The following ATP2B2 variants were observed in gnomAD, a reference collection of about 807,000 sequenced individuals.
ATP2B2 encodes the protein plasma membrane calcium-transporting ATPase 2.
In ATP2B2, 15 loss-of-function variants were observed where a neutral mutation model predicts 120.0. The ratio of observed to expected loss-of-function variants is 0.12; its 90% confidence interval spans 0.08 to 0.19. ATP2B2 has a LOEUF of 0.19. ATP2B2 is among the 10% of genes least tolerant of loss of function. The pLI is 1.00. For synonymous variants in ATP2B2, 694 were observed against 700.3 expected (o/e 0.99, Z 0.14); for missense variants, 1,045 against 1,719.8 (o/e 0.61, Z 6.94).
intron 2 of ATP2B2, among the ~76,000 whole-genome samples, chr3:10,428,862 C>T (rs951150273): frequency 6.6e-6 from 1 of 152,236 alleles, no homozygotes; most frequent in Non-Finnish European, 1.5e-5. Flanking sequence ...GTCACAGCCT[C>T]ACCGGGCCAG....
chr3:10,637,968 A>G (rs771934249), intron 1 of ATP2B2, among the ~76,000 whole-genome samples: 33 of 152,228 alleles, frequency 2.2e-4, no homozygotes, highest in Non-Finnish European at 3.5e-4. Context: ...GAAGCAATGC[A>G]AGTGAGAAGA....
In ATP2B2 at chr3:10,402,116, A is replaced by C. The variant is rs565715444; in HGVS notation, c.630T>G (p.Val210=). 1.5e-4 allele frequency: 250 copies of C among 1,614,106 alleles called. 1 individual carries two copies. The African/African-American group carries it at 1.8e-3, about 12-fold the overall frequency. Residue 210 remains valine (V), a synonymous_variant, in exon 4 of 23, where the codon GTT becomes GTG. Transcript: ENST00000360273. The surrounding 1 kb of genome is among the most constrained non-coding windows in gnomAD (Gnocchi z 4.9). ...VVQIPVAEIV[V]GDIAQVKYGD... is the part of the protein sequence containing the mutation. ...CATATTTGACCTGGGCTATGTCCCCAACCACGATCTCAGCCACAGGGATCT... is the reference window on the plus strand; with the variant it reads ...CATATTTGACCTGGGCTATGTCCCCCACCACGATCTCAGCCACAGGGATCT...
At chr3:10,382,781 A>AT (rs2061568679) in intron 8 of ATP2B2, among the ~76,000 whole-genome samples, 1 of 152,200 alleles carries the variant, frequency 6.6e-6, no homozygotes, top group Non-Finnish European at 1.5e-5. Context: ...TCCAAGATGA[A>AT]TGGACCACAC....
chr3:10,588,776 A>T (rs547097004), intron 2 of ATP2B2, among the ~76,000 whole-genome samples: 7 of 152,280 alleles, frequency 4.6e-5, no homozygotes, highest in African/African-American at 1.7e-4. Flanking sequence ...TTTTATGCCC[A>T]TTTTTACAGA....
intron 8 of ATP2B2, among the ~76,000 whole-genome samples, chr3:10,380,169 T>C (rs2061493745): frequency 2.0e-5 from 3 of 152,170 alleles, no homozygotes; most frequent in African/African-American, 7.2e-5. Context: ...CACCGACTCA[T>C]CAGAGCTGCC....
chr3:10,489,716 C>A (rs933289266), intron 1 of ATP2B2, among the ~76,000 whole-genome samples: 1 of 152,204 alleles, frequency 6.6e-6, no homozygotes, highest in African/African-American at 2.4e-5. Context: ...TGGGAACCTG[C>A]CTTCAACTCA....
chr3:10,599,016 C>T (rs959517490), intron 2 of ATP2B2, among the ~76,000 whole-genome samples: 1 of 152,256 alleles, frequency 6.6e-6, no homozygotes, highest in Non-Finnish European at 1.5e-5. Context: ...TCTGCCCAGG[C>T]CTGCAGTAAC....
intron 1 of ATP2B2, among the ~76,000 whole-genome samples, chr3:10,631,293 A>G (rs2069857868): frequency 6.6e-6 from 1 of 152,234 alleles, no homozygotes; most frequent in African/African-American, 2.4e-5. Context: ...AACACTTTTT[A>G]TATCCGAATG....
intron 1 of ATP2B2, among the ~76,000 whole-genome samples, chr3:10,463,411 G>A (rs1184360902): frequency 6.6e-6 from 1 of 152,228 alleles, no homozygotes; most frequent in Non-Finnish European, 1.5e-5. Flanking sequence ...CCAACCAGAT[G>A]GTAGGAATAA....
At chr3:10,676,614 C>G (rs942891454) in intron 1 of ATP2B2, among the ~76,000 whole-genome samples, 4 of 152,262 alleles carry the variant, frequency 2.6e-5, no homozygotes, top group Non-Finnish European at 5.9e-5. Context: ...TCCTGGCACC[C>G]AGTAGGAACA....
At chr3:10,431,011 G>A (rs1015421690) in intron 2 of ATP2B2, among the ~76,000 whole-genome samples, 1 of 151,870 alleles carries the variant, frequency 6.6e-6, no homozygotes, top group East Asian at 2.0e-4. Flanking sequence ...ATAGGACTGG[G>A]AATGTTAGGA....
intron 1 of ATP2B2, among the ~76,000 whole-genome samples, chr3:10,629,096 A>G (rs2069789873): frequency 6.6e-6 from 1 of 152,198 alleles, no homozygotes; most frequent in Non-Finnish European, 1.5e-5. Flanking sequence ...AACACAAAAC[A>G]GCACGGCAGC....
chr3:10,331,711 A>AG (rs1283581360), intron 22 of ATP2B2, among the ~76,000 whole-genome samples: 2 of 95,764 alleles, frequency 2.1e-5, no homozygotes, highest in South Asian at 9.7e-4. Context: ...TAAAGGTAGG[A>AG]ATTTTTTTTT....
chr3:10,520,684 A>G (rs2125454129), intron 3 of ATP2B2, among the ~76,000 whole-genome samples: 2 of 151,106 alleles, frequency 1.3e-5, no homozygotes, highest in Non-Finnish European at 2.9e-5. Flanking sequence ...TTGAACTCCT[A>G]ATCTCAAGTG....
At chr3:10,587,840 T>C (rs1009906159) in intron 2 of ATP2B2, among the ~76,000 whole-genome samples, 1 of 152,168 alleles carries the variant, frequency 6.6e-6, no homozygotes, top group Non-Finnish European at 1.5e-5. Context: ...ATCAATAATA[T>C]TGGTTAAGTG....
At chr3:10,576,864 A>C (rs911387096) in intron 2 of ATP2B2, among the ~76,000 whole-genome samples, 2 of 151,736 alleles carry the variant, frequency 1.3e-5, no homozygotes, top group African/African-American at 2.4e-5. Flanking sequence ...GGAATTCGAG[A>C]CCAGCCTGGT....
chr3:10,686,043 C>CTTTTTTTTTTTTTTTTTTTTTTTTTTTT (rs34073958), intron 1 of ATP2B2, among the ~76,000 whole-genome samples: 6 of 93,224 alleles, frequency 6.4e-5, no homozygotes, highest in African/African-American at 1.7e-4. Context: ...TTCCTCCTTT[C>CTTTTTTTTTTTTTTTTTTTTTTTTTTTT]TTTTTTTTTT....
At chr3:10,394,694 A>C (rs1251029456) in intron 5 of ATP2B2, 2 of 389,322 alleles carry the variant, frequency 5.1e-6, no homozygotes, top group Admixed American at 5.9e-5. Flanking sequence ...AGGTCCTGGG[A>C]TGTGGGCAGA....
chr3:10,611,331 C>T (rs560738804), intron 2 of ATP2B2, among the ~76,000 whole-genome samples: 134 of 152,300 alleles, frequency 8.8e-4, no homozygotes, highest in African/African-American at 3.2e-3. Flanking sequence ...ACCTCCCTGG[C>T]CTGGGCATGT....
Sources: allele counts gnomAD v4.1 joint callset (sites outside exome capture counted in the v4.1 genomes callset), GRCh38; gene constraint gnomAD v4.1.1; non-coding constraint Gnocchi (gnomAD v3.1); transcripts MANE v1.5; gene names NCBI Gene and HGNC (gene_info 2026-07-23, HGNC 2026-07-21).